The following UMAD1 variants were observed in gnomAD, a reference collection of about 807,000 sequenced individuals.
UMAD1 encodes UBAP1-MVB12-associated (UMA) domain containing 1, also known as UBAP1-MVB12-associated (UMA)-domain containing protein 1.
Under a neutral mutation model 6.1 loss-of-function variants are expected in UMAD1, and 8 were observed. That is an observed-to-expected ratio of 1.30 (90% CI 0.76 to 2.35). The LOEUF (loss-of-function observed/expected upper bound fraction) is 2.35. UMAD1 is among the 30% of genes most tolerant of loss of function. UMAD1 has a pLI of 0.00. For missense variants in UMAD1, 130 were observed against 78.4 expected (o/e 1.66, Z -2.49); for synonymous variants, 56 against 31.4 (o/e 1.78, Z -2.61).
chr7:7,823,276 T>G (rs780080552), intron 3 of UMAD1, among the ~76,000 whole-genome samples: 2 of 152,186 alleles, frequency 1.3e-5, no homozygotes, highest in African/African-American at 2.4e-5. Flanking sequence ...TTTTTTCCCT[T>G]AACTATGATT....
intron 3 of UMAD1, among the ~76,000 whole-genome samples, chr7:7,843,114 G>A (rs1457941956): frequency 6.6e-6 from 1 of 152,168 alleles, no homozygotes; most frequent in Non-Finnish European, 1.5e-5. Flanking sequence ...GGATTTTGCA[G>A]AAAATAAGTA....
intron 2 of UMAD1, among the ~76,000 whole-genome samples, chr7:7,675,729 T>C (rs1037408226): frequency 6.6e-6 from 1 of 152,200 alleles, no homozygotes; most frequent in Non-Finnish European, 1.5e-5. Context: ...GCACCATATG[T>C]CTAGCAGTTG....
At chr7:7,755,695 TA>T (rs1049554465) in intron 2 of UMAD1, among the ~76,000 whole-genome samples, 3 of 152,066 alleles carry the variant, frequency 2.0e-5, no homozygotes, top group African/African-American at 7.2e-5. Context: ...AATTTAAGAT[TA>T]AAAAAAATCC....
At chr7:7,763,230 T>G (rs1781925027) in intron 2 of UMAD1, among the ~76,000 whole-genome samples, 1 of 152,244 alleles carries the variant, frequency 6.6e-6, no homozygotes, top group East Asian at 1.9e-4. Flanking sequence ...CAATGACATT[T>G]TAAAATTATT....
intron 2 of UMAD1, among the ~76,000 whole-genome samples, chr7:7,696,381 C>A (rs1364831674): frequency 1.3e-5 from 2 of 151,564 alleles, no homozygotes; most frequent in African/African-American, 2.4e-5. Flanking sequence ...ACTGTGAAAT[C>A]ATATTAGATC....
chr7:7,866,114 A>G (rs1393357963), intron 3 of UMAD1, among the ~76,000 whole-genome samples: 1 of 152,228 alleles, frequency 6.6e-6, no homozygotes, highest in African/African-American at 2.4e-5. Context: ...TAGAAAAACA[A>G]AGAAACAAAT....
intron 2 of UMAD1, among the ~76,000 whole-genome samples, chr7:7,695,009 G>A (rs1293585452): frequency 6.6e-6 from 1 of 152,168 alleles, no homozygotes; most frequent in Non-Finnish European, 1.5e-5. Context: ...CACCAACAGT[G>A]TTTGAGAGTT....
At chr7:7,670,573 C>T (rs996393889) in intron 1 of UMAD1, among the ~76,000 whole-genome samples, 4 of 152,144 alleles carry the variant, frequency 2.6e-5, no homozygotes, top group Non-Finnish European at 4.4e-5. Flanking sequence ...AGTAACTCAC[C>T]CCTCCCCAAG....
intron 2 of UMAD1, among the ~76,000 whole-genome samples, chr7:7,684,297 G>A (rs1283800420): frequency 1.3e-5 from 2 of 151,710 alleles, no homozygotes; most frequent in African/African-American, 2.4e-5. Context: ...TGCCTCCCGC[G>A]TTCAAGCAAT....
At chr7:7,811,374 C>T (rs1783018709) in intron 3 of UMAD1, among the ~76,000 whole-genome samples, 1 of 152,106 alleles carries the variant, frequency 6.6e-6, no homozygotes, top group Non-Finnish European at 1.5e-5. Flanking sequence ...TGTGTTTATC[C>T]TCTTATGCAG....
intron 2 of UMAD1, chr7:7,742,169 A>G (rs1781483028): frequency 1.5e-6 from 1 of 666,144 alleles, no homozygotes. Context: ...CATCAGGCCG[A>G]ATCAGGTGTT....
At position 7,728,336 on chromosome 7, in the gene UMAD1, C is replaced by A. The variant is rs547697466; in HGVS notation, c.82+54883C>A. On this transcript the variant is annotated intron_variant, in intron 2 of 3. Coordinates refer to ENST00000682710, the MANE Select transcript of UMAD1 (RefSeq NM_001302348.2). ...TTTGAGTGTTCAGTTTTCTCATTTACAAAATTGAGATGATAAAACCTATCT... is the reference window on the plus strand; with the variant it reads ...TTTGAGTGTTCAGTTTTCTCATTTAAAAAATTGAGATGATAAAACCTATCT... Among the ~76,000 whole-genome samples the A allele has an allele frequency of 2.6e-5, 4 of 152,190 alleles. No individual in the cohort carries two copies. The East Asian group carries it at 7.7e-4, about 29-fold the overall frequency.
intron 2 of UMAD1, among the ~76,000 whole-genome samples, chr7:7,765,848 A>G (rs1054159036): frequency 2.0e-5 from 3 of 152,148 alleles, no homozygotes; most frequent in Non-Finnish European, 2.9e-5. Context: ...TTATAAATAG[A>G]ATGTTCTACT....
chr7:7,801,506 C>G (rs150827691), intron 2 of UMAD1, among the ~76,000 whole-genome samples, 164 bp from the exon 3 acceptor site: 161 of 152,274 alleles, frequency 1.1e-3, no homozygotes, highest in African/African-American at 3.6e-3. Context: ...TTTATAATTA[C>G]TGTTCTTAAA....
At chr7:7,868,788 C>A (rs1384330221) in intron 3 of UMAD1, among the ~76,000 whole-genome samples, 1 of 152,154 alleles carries the variant, frequency 6.6e-6, no homozygotes, top group Admixed American at 6.5e-5. Context: ...GCTTCTCCCC[C>A]CTAATTTCTG....
At chr7:7,754,986 A>G (rs1459679587) in intron 2 of UMAD1, among the ~76,000 whole-genome samples, 2 of 152,110 alleles carry the variant, frequency 1.3e-5, no homozygotes, top group African/African-American at 2.4e-5. Context: ...CTTTTTTCAT[A>G]CAGCTGCTGG....
At chr7:7,784,875 G>T (rs1583823291) in intron 2 of UMAD1, among the ~76,000 whole-genome samples, 2 of 145,362 alleles carry the variant, frequency 1.4e-5, no homozygotes, top group South Asian at 4.3e-4. Flanking sequence ...CCATTCTCCT[G>T]CCTCAGCCTC....
intron 2 of UMAD1, among the ~76,000 whole-genome samples, chr7:7,778,226 T>TTA (rs1782259650): frequency 7.9e-6 from 1 of 126,398 alleles, no homozygotes; most frequent in Admixed American, 8.1e-5. Context: ...AAAACTGGTT[T>TTA]TGTGTGTGTG....
chr7:7,805,153 C>G (rs1449387184), intron 3 of UMAD1, among the ~76,000 whole-genome samples: 1 of 152,118 alleles, frequency 6.6e-6, no homozygotes, highest in Non-Finnish European at 1.5e-5. Flanking sequence ...ACCTAGACCT[C>G]TCCCCTGAGT....
Sources: allele counts gnomAD v4.1 joint callset (sites outside exome capture counted in the v4.1 genomes callset), GRCh38; gene constraint gnomAD v4.1.1; transcripts MANE v1.5; gene names NCBI Gene and HGNC (gene_info 2026-07-23, HGNC 2026-07-21).